The following MYO5B variants were observed in gnomAD, a reference collection of about 807,000 sequenced individuals.
MYO5B encodes myosin VB, also known as unconventional myosin-Vb.
In MYO5B, 143 loss-of-function variants were observed where a neutral mutation model predicts 229.3. The observed-to-expected ratio is 0.62, with a 90% CI of 0.54 to 0.72. The LOEUF is 0.72. MYO5B is among the 30% of genes least tolerant of loss of function. The probability of loss-of-function intolerance (pLI) is 0.00; values close to 1 mark genes in which losing one functional copy is unlikely to be tolerated. For missense variants in MYO5B, 2,321 were observed against 2,331.0 expected, an observed-to-expected ratio of 1.00 and a Z score of 0.09; for synonymous variants, 918 against 885.2, an observed-to-expected ratio of 1.04 and a Z score of -0.66.
chr18:49,853,757 T>C (rs927375669), intron 30 of MYO5B, 110 bp from the exon 31 acceptor site: 9 of 994,162 alleles, frequency 9.1e-6, no homozygotes, highest in Admixed American at 8.0e-5. Context: ...GCAGCAGCGG[T>C]TGCACATCCC....
Position 49,963,048 on chromosome 18 carries a change from A to T in MYO5B, c.1323-18T>A, listed in dbSNP as rs1312504007. The T allele has an allele frequency of 1.2e-6, 2 of 1,604,906 alleles. No individual in the cohort carries two copies. The highest frequency in any genetic ancestry group is 1.7e-6 in the Non-Finnish European group (2 of 1,171,646). ...TCTCAAACCTACAGAATGGAAAGAG[A>T]AGATAAGAGACGTCTCCTTTCAACA... On this transcript the variant is annotated intron_variant, in intron 10 of 39. Coordinates refer to ENST00000285039, the MANE Select transcript of MYO5B (RefSeq NM_001080467.3).
intron 1 of MYO5B, among the ~76,000 whole-genome samples, chr18:50,185,882 A>T (rs939571567): frequency 1.3e-5 from 2 of 152,238 alleles, no homozygotes; most frequent in African/African-American, 4.8e-5. Context: ...ATAGCCATAG[A>T]TTAAGATTTA....
chr18:49,917,266 T>A (rs1393172226), intron 17 of MYO5B, among the ~76,000 whole-genome samples: 1 of 152,196 alleles, frequency 6.6e-6, no homozygotes, highest in African/African-American at 2.4e-5. Flanking sequence ...CAGTTGCCAA[T>A]TACAGTTTTA....
chr18:49,875,544 T>C (rs2024509478), intron 26 of MYO5B, 143 bp downstream of exon 26: 1 of 1,122,708 alleles, frequency 8.9e-7, no homozygotes, highest in Non-Finnish European at 1.3e-6. Context: ...TCAGCATGAC[T>C]CCAATGCACT....
chr18:50,062,404 T>C (rs1292399433), intron 1 of MYO5B, among the ~76,000 whole-genome samples: 1 of 152,154 alleles, frequency 6.6e-6, no homozygotes, highest in Non-Finnish European at 1.5e-5. Flanking sequence ...ACAGGAACAC[T>C]GGTCTGTTCA....
At chr18:50,129,326 G>A (rs1157104940) in intron 1 of MYO5B, among the ~76,000 whole-genome samples, 1 of 152,226 alleles carries the variant, frequency 6.6e-6, no homozygotes, top group African/African-American at 2.4e-5. Flanking sequence ...TTCTCCTCAA[G>A]GGAACTTCAA....
rs868303097 is a variant in MYO5B at position 50,036,859 on chromosome 18, T to A, written c.446A>T (p.Gln149Leu). The A allele has an allele frequency of 1.2e-6, 2 of 1,614,140 alleles. No individual in the cohort carries two copies. The highest frequency in any genetic ancestry group is 1.3e-5 in the African/African-American group (1 of 75,040). ...IFAVAEEAYKQMARDEKNQSI... is the reference protein window; with the variant it reads ...IFAVAEEAYKLMARDEKNQSI... ...CTGAGGACATTCTCACCTGGCCATC[T>A]GCTTGTAGGCTTCTTCTGCCACAGC... The change falls in exon 4 of 40, where the codon CAG becomes CTG. Residue 149 changes from glutamine to leucine, a missense_variant. This residue lies in a region of MYO5B where 2,113 missense variants were observed against 2,044.7 expected (regional missense o/e 1.03). Coordinates refer to ENST00000285039, the MANE Select transcript of MYO5B (RefSeq NM_001080467.3).
At chr18:50,157,262 T>A (rs1044268322) in intron 1 of MYO5B, among the ~76,000 whole-genome samples, 2 of 152,032 alleles carry the variant, frequency 1.3e-5, no homozygotes, top group African/African-American at 4.8e-5. Context: ...CCTGCCACCA[T>A]GCCCAGCTAA....
chr18:49,962,550 G>A (rs2025571767), intron 11 of MYO5B, 144 bp from the exon 12 acceptor site: 2 of 1,164,490 alleles, frequency 1.7e-6, no homozygotes, highest in Admixed American at 1.9e-5. Context: ...AGTTATGACT[G>A]CAGAAAAGCA....
intron 11 of MYO5B, 71 bp from the exon 12 acceptor site, chr18:49,962,477 A>T (rs2025570880): frequency 6.2e-7 from 1 of 1,602,202 alleles, no homozygotes; most frequent in Non-Finnish European, 8.5e-7. Flanking sequence ...CCAGGGGCTC[A>T]GTGAGTTCTG....
rs537619109 is a variant in MYO5B at position 50,117,710 on chromosome 18, T to C, written c.28-62332A>G. ...AGCACAGCAGGAGAGAAAGAAAAGCTACAGGCAGACCCAAACAGCTTCCCA... is the reference window on the plus strand; with the variant it reads ...AGCACAGCAGGAGAGAAAGAAAAGCCACAGGCAGACCCAAACAGCTTCCCA... On this transcript the variant is annotated intron_variant, in intron 1 of 39. Coordinates refer to ENST00000285039, the MANE Select transcript of MYO5B (RefSeq NM_001080467.3). Among the ~76,000 whole-genome samples the C allele has an allele frequency of 5.3e-5, 8 of 152,250 alleles. No individual in the cohort carries two copies. In the South Asian group the frequency reaches 1.7e-3, roughly 32 times the overall value.
chr18:49,848,368 G>C (rs1235251228), intron 32 of MYO5B, among the ~76,000 whole-genome samples: 1 of 152,130 alleles, frequency 6.6e-6, no homozygotes, highest in Non-Finnish European at 1.5e-5. Flanking sequence ...TGAAGGGCGG[G>C]TGGGACTCTT....
chr18:49,873,746 C>T (rs17800351), intron 26 of MYO5B, among the ~76,000 whole-genome samples: 36,611 of 152,104 alleles, frequency 0.24, 4,552 homozygotes, highest in East Asian at 0.42. Flanking sequence ...CAGTCACGTT[C>T]GTAAGTGGGA....
At chr18:50,035,068 G>A (rs553311618) in intron 4 of MYO5B, among the ~76,000 whole-genome samples, 1 of 152,144 alleles carries the variant, frequency 6.6e-6, no homozygotes, top group Admixed American at 6.6e-5. Flanking sequence ...TCTCAAGCAA[G>A]TGAAATAACC....
chr18:49,893,439 G>A (rs1191598809), intron 22 of MYO5B, among the ~76,000 whole-genome samples: 1 of 152,182 alleles, frequency 6.6e-6, no homozygotes, highest in African/African-American at 2.4e-5. Flanking sequence ...CCACAAGTGT[G>A]GTATTCCATG....
chr18:50,188,730 T>A (rs967186546), intron 1 of MYO5B, among the ~76,000 whole-genome samples: 1 of 140,744 alleles, frequency 7.1e-6, no homozygotes, highest in Admixed American at 7.6e-5. Context: ...GAGGTTGCAG[T>A]GAGCTGAGAT....
chr18:50,134,194 G>A (rs573038602), intron 1 of MYO5B, among the ~76,000 whole-genome samples: 69 of 152,160 alleles, frequency 4.5e-4, no homozygotes, highest in African/African-American at 1.5e-3. Context: ...AAATAAATTT[G>A]TTGTTCAAAC....
At chr18:49,847,577 C>CA (rs1392193404) in intron 32 of MYO5B, among the ~76,000 whole-genome samples, 1 of 152,240 alleles carries the variant, frequency 6.6e-6, no homozygotes, top group African/African-American at 2.4e-5. Context: ...GAAAAGACAG[C>CA]AGGCAGGTTT....
rs751655501 is a variant in MYO5B, at chr18:49,849,680, T to C, written c.4222-20A>G. ...AAGGTCCTGGAAGCAGAGGAAGCAG[T>C]GTGAGAACAGACATCAGCCCGGCCT... is the stretch of plus-strand genomic sequence containing the variant. On this transcript the variant is annotated intron_variant, in intron 31 of 39. Transcript: ENST00000285039. 4 of 1,588,958 alleles carry C rather than the reference T, an allele frequency of 2.5e-6. No homozygotes were observed. Among genetic ancestry groups the C allele is most frequent in the South Asian group, 1.1e-5 (1 of 90,554 alleles).
Sources: allele counts gnomAD v4.1 joint callset (sites outside exome capture counted in the v4.1 genomes callset), GRCh38; gene constraint gnomAD v4.1.1; regional missense constraint gnomAD v4.1.1; transcripts MANE v1.5; gene names NCBI Gene and HGNC (gene_info 2026-07-23, HGNC 2026-07-21).